Variants in SLC31A1 observed in about 807,000 individuals in gnomAD.
SLC31A1 encodes the protein solute carrier family 31 member 1, also known as high affinity copper uptake protein 1.
In SLC31A1, 5 loss-of-function variants were observed where a neutral mutation model predicts 17.2. The ratio of observed to expected loss-of-function variants is 0.29; its 90% CI spans 0.15 to 0.61. SLC31A1 has a LOEUF of 0.61. Ranked by LOEUF, SLC31A1 falls within the 20% of genes least tolerant of loss-of-function variation. SLC31A1 has a pLI of 0.86. For missense variants in SLC31A1, 161 were observed against 241.4 expected, an observed-to-expected ratio of 0.67 and a Z score of 2.21; for synonymous variants, 76 against 78.8, an observed-to-expected ratio of 0.96 and a Z score of 0.19.
chr9:113,260,611 A>ACACACC lies in SLC31A1; in HGVS notation c.*139_*140insACACCC, dbSNP rs768996560. On this transcript the variant is annotated 3_prime_UTR_variant, in exon 5 of 5. Transcript: ENST00000374212. Reference sequence around the variant, plus strand: ...CACACACACACACACACACACACACACCCCTGCTCAACAGAGGTTTAGTTT... The same window carrying ACACACC: ...CACACACACACACACACACACACACACACACCCCCCTGCTCAACAGAGGTTTAGTTT... The ACACACC allele has an allele frequency of 4.3e-6, 3 of 700,834 alleles. No homozygotes were observed. The highest frequency in any genetic ancestry group is 1.8e-5 in the African/African-American group (1 of 56,388). 43.4% of individuals were successfully genotyped at this position (700,834 alleles called of 1,614,324 possible).
intron 1 of SLC31A1, among the ~76,000 whole-genome samples, chr9:113,249,471 A>G (rs1831622063): frequency 6.6e-6 from 1 of 151,884 alleles, no homozygotes; most frequent in African/African-American, 2.4e-5. Flanking sequence ...GGTTCAAGCA[A>G]TTATCCTGCC....
intron 1 of SLC31A1, among the ~76,000 whole-genome samples, chr9:113,224,796 A>C (rs1831323057): frequency 6.6e-6 from 1 of 152,228 alleles, no homozygotes; most frequent in Admixed American, 6.5e-5. Flanking sequence ...ACTACTAGAG[A>C]GTCTATGTAG....
At chr9:113,244,069 C>T (rs1369219585) in intron 1 of SLC31A1, among the ~76,000 whole-genome samples, 2 of 147,830 alleles carry the variant, frequency 1.4e-5, no homozygotes, top group African/African-American at 5.0e-5. Flanking sequence ...GCAGGAGAAT[C>T]GCTTGAACCC....
In SLC31A1 at chr9:113,260,409, C is replaced by T. The variant is rs1180505122; in HGVS notation, c.509C>T (p.Thr170Ile). The T allele has an allele frequency of 1.2e-6, 2 of 1,614,054 alleles. No homozygotes were observed. The highest frequency in any genetic ancestry group is 3.3e-5 in the Admixed American group (2 of 59,994). ...LCIAVAAGAG[T>I]GYFLFSWKKA... ...ATTGCAGTAGCAGCAGGGGCCGGTA[C>T]AGGATACTTCCTCTTCAGCTGGAAG... The change falls in exon 5 of 5, where the codon ACA (threonine) becomes ATA (isoleucine). Residue 170 changes from threonine (T) to isoleucine (I), a missense_variant. Transcript: ENST00000374212.
chr9:113,248,207 C>T (rs771319054), intron 1 of SLC31A1, among the ~76,000 whole-genome samples: 2 of 151,888 alleles, frequency 1.3e-5, no homozygotes, highest in Non-Finnish European at 2.9e-5. Flanking sequence ...ACCTGTAGTC[C>T]CGGCTACTTG....
intron 1 of SLC31A1, among the ~76,000 whole-genome samples, chr9:113,228,283 A>G (rs1564203271): frequency 6.6e-6 from 1 of 152,226 alleles, no homozygotes; most frequent in Non-Finnish European, 1.5e-5. Context: ...AAGTGCGTCA[A>G]GGCTACAAAA....
intron 1 of SLC31A1, among the ~76,000 whole-genome samples, chr9:113,237,410 A>G (rs1831472134): frequency 6.6e-6 from 1 of 152,148 alleles, no homozygotes; most frequent in East Asian, 1.9e-4. Flanking sequence ...GTGCCTCAAC[A>G]GGAATAGGTC....
chr9:113,248,451 T>G (rs1831608195), intron 1 of SLC31A1, among the ~76,000 whole-genome samples: 1 of 147,300 alleles, frequency 6.8e-6, no homozygotes, highest in Non-Finnish European at 1.5e-5. Flanking sequence ...GAAAGATACT[T>G]GAAAGCAGTC....
At chr9:113,228,845 A>G (rs1831370065) in intron 1 of SLC31A1, among the ~76,000 whole-genome samples, 1 of 151,942 alleles carries the variant, frequency 6.6e-6, no homozygotes, top group Admixed American at 6.6e-5. Context: ...GGATTTGATG[A>G]TACTTTTTTT....
At chr9:113,223,542 C>A (rs752718935) in intron 1 of SLC31A1, among the ~76,000 whole-genome samples, 5 of 152,066 alleles carry the variant, frequency 3.3e-5, no homozygotes, top group Non-Finnish European at 7.3e-5. Flanking sequence ...TAAGGCACAA[C>A]CTTGATCTCA....
rs565863317 is a variant in SLC31A1 at position 113,229,617 on chromosome 9, C to T, written c.-36+7939C>T. Among the ~76,000 whole-genome samples, 44 of 152,224 alleles carry T rather than the reference C, an allele frequency of 2.9e-4. No homozygotes were observed. The South Asian group carries it at 8.7e-3, about 30-fold the overall frequency. On this transcript the variant is annotated intron_variant, in intron 1 of 4. Transcript: ENST00000374212. Reference sequence around the variant, plus strand: ...CACTCCTGTTATAAGTAACTTTGTACATACACATTTCACATATGTGCCAGT... The same window carrying T: ...CACTCCTGTTATAAGTAACTTTGTATATACACATTTCACATATGTGCCAGT...
chr9:113,226,565 C>T (rs554033879), intron 1 of SLC31A1, among the ~76,000 whole-genome samples: 2 of 152,114 alleles, frequency 1.3e-5, no homozygotes, highest in East Asian at 1.9e-4. Context: ...GAATGCAAAG[C>T]CCTGCAGAGA....
intron 1 of SLC31A1, among the ~76,000 whole-genome samples, chr9:113,232,850 A>C (rs1831416422): frequency 6.6e-6 from 1 of 152,140 alleles, no homozygotes; most frequent in Non-Finnish European, 1.5e-5. Context: ...GTCTCAAAAA[A>C]AAAAGAACAG....
chr9:113,240,529 T>C (rs1454487957), intron 1 of SLC31A1, among the ~76,000 whole-genome samples: 1 of 152,112 alleles, frequency 6.6e-6, no homozygotes, highest in Non-Finnish European at 1.5e-5. Context: ...AAAGGGAGAT[T>C]TCTTAGGAAT....
chr9:113,260,536 T>A lies in SLC31A1; in HGVS notation c.*63T>A. 7.6e-7 allele frequency: 1 copy of A among 1,321,562 alleles called. No homozygotes were observed. The highest frequency in any genetic ancestry group is 1.1e-6 in the Non-Finnish European group (1 of 927,182). The allele number at this position is 1,321,562 out of a possible 1,614,324, so 81.9% of individuals were successfully genotyped here. On this transcript the variant is annotated 3_prime_UTR_variant, in exon 5 of 5. Transcript: ENST00000374212. ...GGAAGTTGTTGAAGACTTGAAGACG[T>A]GATTCCTGCTCCAATCATCCCTTCT...
At chr9:113,237,521 G>C (rs1831475076) in intron 1 of SLC31A1, among the ~76,000 whole-genome samples, 1 of 152,006 alleles carries the variant, frequency 6.6e-6, no homozygotes, top group Admixed American at 6.6e-5. Context: ...ACTTGATGTT[G>C]AGAGACTAGG....
intron 1 of SLC31A1, among the ~76,000 whole-genome samples, chr9:113,244,521 T>A (rs377632905): frequency 6.6e-6 from 1 of 151,114 alleles, no homozygotes; most frequent in East Asian, 1.9e-4. Flanking sequence ...AAAACAAGAG[T>A]GAGAGAGAGA....
intron 1 of SLC31A1, among the ~76,000 whole-genome samples, chr9:113,225,827 G>GAGAAAGATGATATAATAATCACT (rs1831333950): frequency 6.6e-6 from 1 of 152,162 alleles, no homozygotes; most frequent in East Asian, 1.9e-4. Flanking sequence ...TGCTACAAGA[G>GAGAAAGATGATATAATAATCACT]AGAAAGATGA....
intron 1 of SLC31A1, among the ~76,000 whole-genome samples, chr9:113,233,973 T>C (rs1028565296): frequency 1.3e-5 from 2 of 152,218 alleles, no homozygotes; most frequent in African/African-American, 4.8e-5. Context: ...TTGTTGACTA[T>C]AGTCACCCTT....
Sources: allele counts gnomAD v4.1 joint callset (sites outside exome capture counted in the v4.1 genomes callset), GRCh38; gene constraint gnomAD v4.1.1; transcripts MANE v1.5; gene names NCBI Gene and HGNC (gene_info 2026-07-23, HGNC 2026-07-21).